CCNB3: variants seen among roughly 807,000 people sequenced by gnomAD.
CCNB3 encodes G2/mitotic-specific cyclin-B3.
Under a neutral mutation model 68.0 loss-of-function variants are expected in CCNB3, and 12 were observed. The observed-to-expected ratio is 0.18, with a 90% CI of 0.11 to 0.29. The LOEUF is 0.29. CCNB3 is among the 10% of genes least tolerant of loss of function. The pLI is 1.00. For missense variants in CCNB3, 904 were observed against 993.1 expected, an observed-to-expected ratio of 0.91 and a Z score of 1.21; for synonymous variants, 354 against 388.9, an observed-to-expected ratio of 0.91 and a Z score of 1.06.
intron 1 of CCNB3, among the ~76,000 whole-genome samples, chrX:50,226,190 A>AATATATATAGAATATATATATT (rs1935768926): frequency 7.0e-5 from 2 of 28,647 alleles, no homozygotes; most frequent in African/African-American, 9.6e-5. Context: ...TAGATATATA[A>AATATATATAGAATATATATATT]ATATATATAG....
At chrX:50,279,415 A>AAT (rs1441265512) in intron 1 of CCNB3, among the ~76,000 whole-genome samples, 4 of 76,758 alleles carry the variant, frequency 5.2e-5, no homozygotes, top group Non-Finnish European at 6.7e-5. Context: ...GAAATATATA[A>AAT]ATATATAAAT....
chrX:50,321,943 A>T (rs1030202585), intron 8 of CCNB3, among the ~76,000 whole-genome samples: 4 of 110,485 alleles, frequency 3.6e-5, no homozygotes, highest in Non-Finnish European at 7.6e-5. Flanking sequence ...AATTTTCTTC[A>T]TATTGGTCTC....
chrX:50,223,565 ACC>A (rs1935706657), intron 1 of CCNB3, among the ~76,000 whole-genome samples: 1 of 110,678 alleles, frequency 9.0e-6, no homozygotes, highest in African/African-American at 3.4e-5. Flanking sequence ...TCCACTCCAG[ACC>A]CTGTTTGCTT....
chrX:50,304,723 G>C (rs1438059340), intron 5 of CCNB3, among the ~76,000 whole-genome samples: 1 of 111,477 alleles, frequency 9.0e-6, no homozygotes, highest in Non-Finnish European at 1.9e-5. Flanking sequence ...AGGCAACCTA[G>C]AGAATGGGAG....
chrX:50,334,937 G>T (rs1008964157), intron 8 of CCNB3, among the ~76,000 whole-genome samples: 1 of 111,844 alleles, frequency 8.9e-6, no homozygotes, highest in Non-Finnish European at 1.9e-5. Context: ...TCCAGGCTGC[G>T]CTCCCCTTTC....
At chrX:50,321,677 G>A (rs1922025919) in intron 8 of CCNB3, among the ~76,000 whole-genome samples, 1 of 111,126 alleles carries the variant, frequency 9.0e-6, no homozygotes, top group African/African-American at 3.3e-5. Context: ...TCAGTAGCAT[G>A]CTGTTTTATT....
At chrX:50,227,982 A>C (rs1476733736) in intron 1 of CCNB3, among the ~76,000 whole-genome samples, 1 of 87,351 alleles carries the variant, frequency 1.1e-5, no homozygotes, top group Admixed American at 1.5e-4. Context: ...TAGAGAGAAT[A>C]TATATAAATA....
At chrX:50,350,030 T>C (rs987120726) in intron 11 of CCNB3, among the ~76,000 whole-genome samples, 1 of 111,111 alleles carries the variant, frequency 9.0e-6, no homozygotes. Flanking sequence ...TCCAGTGTCC[T>C]ATGCTCACTT....
chrX:50,346,553 C>A, intron 9 of CCNB3, 99 bp from the exon 10 acceptor site: 1 of 855,383 alleles, frequency 1.2e-6, no homozygotes, highest in Non-Finnish European at 1.7e-6. Context: ...AAGATTTATG[C>A]CAGGAAATCC....
At chrX:50,226,111 A>T (rs1319458403) in intron 1 of CCNB3, among the ~76,000 whole-genome samples, 1 of 80,017 alleles carries the variant, frequency 1.2e-5, no homozygotes, top group Non-Finnish European at 2.3e-5. Flanking sequence ...AATATGTATA[A>T]ATATATATAT....
chrX:50,204,471 A>C (rs1357874337), upstream of CCNB3: 2 of 105,509 alleles, frequency 1.9e-5, no homozygotes, highest in Non-Finnish European at 3.9e-5. Context: ...GGTGCTTGGC[A>C]GCACTGGCCA....
Position 50,311,373 on chromosome X carries a change from A to G in CCNB3, c.3204A>G (p.Thr1068=). ...TTAGCACCACCCCTGAATCCATAACAGAGAAGTCCAGCATTGCAACCATGA... is the reference window on the plus strand; with the variant it reads ...TTAGCACCACCCCTGAATCCATAACGGAGAAGTCCAGCATTGCAACCATGA... ...YVFSTTPESI[T]EKSSIATMTS... is the part of the protein sequence containing the mutation. The change falls in exon 6 of 13, where the codon ACA becomes ACG. Residue 1068 remains threonine (T), a synonymous_variant. Coordinates refer to ENST00000376042, the MANE Select transcript of CCNB3 (RefSeq NM_033031.3). 1 of 1,210,025 alleles carries G rather than the reference A, an allele frequency of 8.3e-7. No homozygotes were observed. Among genetic ancestry groups the G allele is most frequent in the Non-Finnish European group, 1.1e-6 (1 of 894,798 alleles).
At chrX:50,331,014 A>G (rs982136641) in intron 8 of CCNB3, among the ~76,000 whole-genome samples, 2 of 111,651 alleles carry the variant, frequency 1.8e-5, no homozygotes, top group African/African-American at 6.5e-5. Flanking sequence ...GAACATGTAA[A>G]TGGGGGTCCG....
At chrX:50,227,878 TAG>T (rs1205523903) in intron 1 of CCNB3, among the ~76,000 whole-genome samples, 2 of 83,091 alleles carry the variant, frequency 2.4e-5, no homozygotes, top group Non-Finnish European at 4.4e-5. Context: ...TATAAATATA[TAG>T]AGAGAAAATA....
intron 4 of CCNB3, among the ~76,000 whole-genome samples, chrX:50,293,065 A>G (rs1569542472): frequency 8.9e-6 from 1 of 112,140 alleles, no homozygotes; most frequent in Non-Finnish European, 1.9e-5. Flanking sequence ...ACGTCTGTAT[A>G]TACAAATATA....
intron 8 of CCNB3, among the ~76,000 whole-genome samples, chrX:50,325,919 C>A (rs1922275016): frequency 9.2e-6 from 1 of 108,817 alleles, no homozygotes; most frequent in Admixed American, 9.8e-5. Flanking sequence ...TTTTTATTAT[C>A]CTTTCTTTTA....
chrX:50,207,983 C>T (rs1236902626), intron 1 of CCNB3, among the ~76,000 whole-genome samples: 2 of 111,850 alleles, frequency 1.8e-5, no homozygotes, highest in African/African-American at 6.5e-5. Flanking sequence ...ATAGGTTTGC[C>T]TATTCCAGAC....
At chrX:50,346,858 T>A (rs1557220399) in intron 10 of CCNB3, 51 bp downstream of exon 10, 2 of 1,137,451 alleles carry the variant, frequency 1.8e-6, no homozygotes, top group South Asian at 4.2e-5. Flanking sequence ...GTTAGTCTCC[T>A]TTATACCCAG....
intron 4 of CCNB3, 83 bp from the exon 5 acceptor site, chrX:50,294,780 G>A: frequency 9.2e-7 from 1 of 1,089,986 alleles, no homozygotes; most frequent in Non-Finnish European, 1.2e-6. Context: ...TCCTATGAGA[G>A]CCACCTTTTA....
Sources: allele counts gnomAD v4.1 joint callset (sites outside exome capture counted in the v4.1 genomes callset), GRCh38; gene constraint gnomAD v4.1.1; transcripts MANE v1.5; gene names NCBI Gene and HGNC (gene_info 2026-07-23, HGNC 2026-07-21).